Variants in ARHGAP6 observed in about 807,000 individuals in gnomAD.
ARHGAP6 encodes the protein rho GTPase-activating protein 6.
In ARHGAP6, 16 loss-of-function variants were observed where a neutral mutation model predicts 55.7. The observed-to-expected ratio is 0.29, with a 90% CI of 0.19 to 0.44. The LOEUF is 0.44. Ranked by LOEUF, ARHGAP6 falls within the 20% of genes least tolerant of loss-of-function variation. ARHGAP6 has a pLI of 1.00. For missense variants in ARHGAP6, 698 were observed against 808.9 expected (o/e 0.86, Z 1.66); for synonymous variants, 382 against 360.9 (o/e 1.06, Z -0.66).
In ARHGAP6 at chrX:11,585,759, G is replaced by T. The variant is rs139857093; in HGVS notation, c.588+78482C>A. On this transcript the variant is annotated intron_variant, in intron 1 of 12. Transcript: ENST00000337414. Reference sequence around the variant, plus strand: ...TTTCTATAAAGAAATACCTGAGACTGGGTAGTTTATAAAGAAAACAGGCTT... The same window carrying T: ...TTTCTATAAAGAAATACCTGAGACTTGGTAGTTTATAAAGAAAACAGGCTT... 1.2e-3 allele frequency among the ~76,000 whole-genome samples: 134 copies of T among 111,963 alleles called. 3 individuals carry two copies. In the East Asian group the frequency reaches 0.02, roughly 17 times the overall value.
At chrX:11,314,544 A>G (rs1247441665) in intron 1 of ARHGAP6, among the ~76,000 whole-genome samples, 1 of 112,568 alleles carries the variant, frequency 8.9e-6, no homozygotes, top group African/African-American at 3.2e-5. Context: ...ATTCAAGATA[A>G]TGTCCCACAA....
At chrX:11,212,100 T>A (rs2046811185) in intron 2 of ARHGAP6, among the ~76,000 whole-genome samples, 1 of 111,631 alleles carries the variant, frequency 9.0e-6, no homozygotes, top group African/African-American at 3.3e-5. Context: ...CCTAATTTGT[T>A]CTAAACCTCA....
intron 2 of ARHGAP6, among the ~76,000 whole-genome samples, chrX:11,227,800 C>T (rs780231583): frequency 0.029 from 2,907 of 101,676 alleles, 125 homozygotes; most frequent in African/African-American, 0.097. Flanking sequence ...TTTCTTTTTT[C>T]TTTTTTTTTT....
chrX:11,618,258 T>A (rs1335493232), intron 1 of ARHGAP6, among the ~76,000 whole-genome samples: 1 of 111,720 alleles, frequency 9.0e-6, no homozygotes, highest in African/African-American at 3.3e-5. Flanking sequence ...ATTTTAGACA[T>A]CTGATCTCCA....
intron 1 of ARHGAP6, chrX:11,427,881 T>A (rs1256948692): frequency 1.6e-6 from 1 of 614,316 alleles, no homozygotes; most frequent in African/African-American, 2.5e-5. Flanking sequence ...CCGAGTCTGA[T>A]GCGATGGGCG....
intron 1 of ARHGAP6, among the ~76,000 whole-genome samples, chrX:11,401,414 C>G (rs1406402327): frequency 2.7e-5 from 3 of 111,780 alleles, no homozygotes; most frequent in Non-Finnish European, 5.6e-5. Context: ...TGTTTCTTAA[C>G]CTAGGCACTG....
At chrX:11,542,424 G>A (rs1004899507) in intron 1 of ARHGAP6, among the ~76,000 whole-genome samples, 5 of 110,738 alleles carry the variant, frequency 4.5e-5, no homozygotes, top group African/African-American at 1.3e-4. Flanking sequence ...GCAGTGAGCC[G>A]AGATCGCGCC....
intron 1 of ARHGAP6, among the ~76,000 whole-genome samples, chrX:11,420,708 C>T (rs914782386): frequency 2.7e-5 from 3 of 111,216 alleles, no homozygotes; most frequent in Non-Finnish European, 3.8e-5. Flanking sequence ...CAGAGCAGGC[C>T]GGTCTGTGTC....
At chrX:11,519,445 G>A (rs946736805) in intron 1 of ARHGAP6, among the ~76,000 whole-genome samples, 7 of 106,555 alleles carry the variant, frequency 6.6e-5, no homozygotes, top group African/African-American at 2.5e-4. Context: ...TTTGAGAAGT[G>A]TCTGTTCATG....
At chrX:11,304,126 G>C (rs937536155) in intron 1 of ARHGAP6, among the ~76,000 whole-genome samples, 3 of 109,566 alleles carry the variant, frequency 2.7e-5, no homozygotes, top group Non-Finnish European at 3.8e-5. Flanking sequence ...GTCTTGCTCT[G>C]TCACCCAGGC....
At position 11,569,885 on chromosome X, in the gene ARHGAP6, C is replaced by T. The variant is rs140054025; in HGVS notation, c.588+94356G>A. On this transcript the variant is annotated intron_variant, in intron 1 of 12. Transcript: ENST00000337414. ...TTCCCTCCATGGCATTTATTTTTGTCATATTTAAAATGTTGGCTGAGCAGA... is the reference window on the plus strand; with the variant it reads ...TTCCCTCCATGGCATTTATTTTTGTTATATTTAAAATGTTGGCTGAGCAGA... 5.4e-4 allele frequency among the ~76,000 whole-genome samples: 60 copies of T among 111,991 alleles called. No homozygotes were observed. The East Asian group carries it at 0.014, about 27-fold the overall frequency.
intron 1 of ARHGAP6, among the ~76,000 whole-genome samples, chrX:11,505,556 C>T (rs1603235114): frequency 9.0e-6 from 1 of 111,064 alleles, no homozygotes; most frequent in Admixed American, 9.7e-5. Context: ...TGTGTATATA[C>T]CCAGAGGAAT....
rs866722184 is a variant in ARHGAP6 at position 11,590,881 on chromosome X, A to G, written c.588+73360T>C. ...GAAAAGAAAAGAAGGAAAGAAAGAA[A>G]GAAAGAAAGAAAGAAAGAAAGAAAG... is the stretch of plus-strand genomic sequence containing the variant. On this transcript the variant is annotated intron_variant, in intron 1 of 12. Coordinates refer to ENST00000337414, the MANE Select transcript of ARHGAP6 (RefSeq NM_013427.3). Among the ~76,000 whole-genome samples, 25 of 78,033 alleles carry G rather than the reference A, an allele frequency of 3.2e-4. 1 individual carries two copies. The highest frequency in any genetic ancestry group is 3.9e-4 in the Non-Finnish European group (16 of 41,355). 67.8% of individuals were successfully genotyped at this position (78,033 alleles called of 115,157 possible). A position where few individuals can be genotyped will look rare whatever the true frequency, so the allele number is the denominator to read the frequency against.
rs930084011 is a variant in ARHGAP6, at chrX:11,560,544, C to T, written c.588+103697G>A. 8.9e-5 allele frequency among the ~76,000 whole-genome samples: 10 copies of T among 112,158 alleles called. No homozygotes were observed. In the East Asian group the frequency reaches 1.7e-3, roughly 19 times the overall value. The stretch of plus-strand genomic sequence containing the variant: ...AATACACTCATCATGCAAAACCAAA[C>T]GGCTTTAATAACCATGAGCTATGTT... On this transcript the variant is annotated intron_variant, in intron 1 of 12. Coordinates refer to ENST00000337414, the MANE Select transcript of ARHGAP6 (RefSeq NM_013427.3).
At chrX:11,251,351 AACCCTCC>A (rs1230692483) in intron 2 of ARHGAP6, among the ~76,000 whole-genome samples, 1 of 112,048 alleles carries the variant, frequency 8.9e-6, no homozygotes, top group Non-Finnish European at 1.9e-5. Flanking sequence ...AAGAAGGTCA[AACCCTCC>A]ACTTGTGCTC....
At chrX:11,532,462 G>A (rs1322974918) in intron 1 of ARHGAP6, among the ~76,000 whole-genome samples, 2 of 112,217 alleles carry the variant, frequency 1.8e-5, no homozygotes, top group African/African-American at 6.5e-5. Context: ...ACTGTGTTCT[G>A]GCCAATGGGA....
At chrX:11,197,697 A>G (rs949607717) in intron 2 of ARHGAP6, among the ~76,000 whole-genome samples, 6 of 112,373 alleles carry the variant, frequency 5.3e-5, no homozygotes, top group African/African-American at 1.9e-4. Context: ...GTTTACTATA[A>G]TAAGTCAGAA....
chrX:11,375,721 G>C (rs978525807), intron 1 of ARHGAP6, among the ~76,000 whole-genome samples: 1 of 111,702 alleles, frequency 9.0e-6, no homozygotes, highest in Non-Finnish European at 1.9e-5. Context: ...TGCACAGTCA[G>C]GGCTGAAGGA....
chrX:11,522,345 C>A (rs201260098), intron 1 of ARHGAP6, among the ~76,000 whole-genome samples: 10,463 of 110,379 alleles, frequency 0.095, 627 homozygotes, highest in African/African-American at 0.2. Flanking sequence ...CAAGAGCAAA[C>A]ACATTCAAAA....
Sources: allele counts gnomAD v4.1 joint callset (sites outside exome capture counted in the v4.1 genomes callset), GRCh38; gene constraint gnomAD v4.1.1; transcripts MANE v1.5; gene names NCBI Gene and HGNC (gene_info 2026-07-23, HGNC 2026-07-21).